Variants in FARP1 observed in about 807,000 individuals in gnomAD.
FARP1 encodes FERM, ARH/RhoGEF and pleckstrin domain protein 1, also known as FERM, ARHGEF and pleckstrin domain-containing protein 1.
In FARP1, 52 loss-of-function variants were observed where a neutral mutation model predicts 128.8. That is an observed-to-expected ratio of 0.40 (90% CI 0.32 to 0.51). FARP1 has a LOEUF of 0.51. Ranked by LOEUF, FARP1 falls within the 20% of genes least tolerant of loss-of-function variation. The pLI, the probability that FARP1 is intolerant of heterozygous loss-of-function variation, is 0.45. For synonymous variants in FARP1, 580 were observed against 551.8 expected (o/e 1.05, Z -0.72); for missense variants, 1,333 against 1,367.9 (o/e 0.97, Z 0.40).
rs924089099 is a variant in FARP1, at chr13:98,393,919, A to G, written c.1164+201A>G. Among the ~76,000 whole-genome samples the G allele has an allele frequency of 3.9e-5, 6 of 151,962 alleles. No individual in the cohort carries two copies. In the South Asian group the frequency reaches 6.2e-4, roughly 16 times the overall value. ...GGCAGCCTGGGCTCAGAGGCCGTGG[A>G]GTGTGTTGTGTTTTCAGCTGCCTTC... On this transcript the variant is annotated intron_variant, in intron 12 of 26. Transcript: ENST00000319562.
chr13:98,188,329 G>A (rs371658176), intron 1 of FARP1, among the ~76,000 whole-genome samples: 2 of 152,194 alleles, frequency 1.3e-5, no homozygotes, highest in South Asian at 2.1e-4. Context: ...CGAGGCGGGC[G>A]GATCACGAGG....
intron 2 of FARP1, among the ~76,000 whole-genome samples, chr13:98,255,679 T>C (rs1594326728): frequency 1.3e-5 from 2 of 152,386 alleles, no homozygotes; most frequent in Middle Eastern, 3.4e-3. Flanking sequence ...GTCTTTTTTA[T>C]AGTTCCCCTA....
chr13:98,164,818 A>G (rs1436370402), intron 1 of FARP1, among the ~76,000 whole-genome samples: 1 of 152,100 alleles, frequency 6.6e-6, no homozygotes, highest in East Asian at 1.9e-4. Context: ...AGTGGCTCAC[A>G]CCTATAAACC....
chr13:98,446,637 A>G (rs1461905793), intron 25 of FARP1, 29 bp from the exon 26 acceptor site: 20 of 1,611,422 alleles, frequency 1.2e-5, no homozygotes, highest in Non-Finnish European at 1.7e-5. Context: ...GACCCCGAAA[A>G]GCCACTTTGC....
chr13:98,249,498 T>C (rs1158291947), intron 2 of FARP1, among the ~76,000 whole-genome samples: 1 of 152,180 alleles, frequency 6.6e-6, no homozygotes, highest in Non-Finnish European at 1.5e-5. Context: ...GAATACATCA[T>C]TAAAAAGAAC....
At chr13:98,310,237 CAG>C (rs756711325) in intron 2 of FARP1, among the ~76,000 whole-genome samples, 36 of 152,156 alleles carry the variant, frequency 2.4e-4, no homozygotes, top group Admixed American at 1.8e-3. Context: ...CCCATCACTC[CAG>C]AGAGGCAGGT....
chr13:98,254,065 C>T (rs1013192014), intron 2 of FARP1, among the ~76,000 whole-genome samples: 42 of 152,138 alleles, frequency 2.8e-4, no homozygotes, highest in Non-Finnish European at 1.2e-4. Context: ...TGAGACCACC[C>T]CAACTCATTT....
intron 2 of FARP1, among the ~76,000 whole-genome samples, chr13:98,250,093 T>A (rs1052864345): frequency 6.6e-6 from 1 of 152,214 alleles, no homozygotes; most frequent in Non-Finnish European, 1.5e-5. Flanking sequence ...ACTCGTGAGA[T>A]TCACCAATGA....
At chr13:98,396,468 AGG>A in intron 13 of FARP1, 1 of 382,410 alleles carries the variant, frequency 2.6e-6, no homozygotes, top group African/African-American at 2.1e-5. Flanking sequence ...AGGATGAGTG[AGG>A]AACAGGAGGA....
chr13:98,306,946 T>G (rs1476658646), intron 2 of FARP1, among the ~76,000 whole-genome samples: 2 of 152,244 alleles, frequency 1.3e-5, no homozygotes, highest in African/African-American at 4.8e-5. Flanking sequence ...ATGTCATTCT[T>G]ATTCTTCATG....
intron 1 of FARP1, among the ~76,000 whole-genome samples, chr13:98,175,024 C>T (rs1029387320): frequency 5.9e-5 from 9 of 152,098 alleles, no homozygotes; most frequent in African/African-American, 1.9e-4. Context: ...AAAGTTTTGC[C>T]GAAGTTCGCT....
rs867000658 is a variant in FARP1, at chr13:98,256,961, A to G, written c.171+43548A>G. The stretch of plus-strand genomic sequence containing the variant: ...AGTATATATGTGGATATATATATAT[A>G]TATATATATATATATATATATATAT... On this transcript the variant is annotated intron_variant, in intron 2 of 26. Transcript: ENST00000319562. Among the ~76,000 whole-genome samples, 980 of 112,274 alleles carry G rather than the reference A, an allele frequency of 8.7e-3. 40 individuals carry two copies. The highest frequency in any genetic ancestry group is 0.046 in the South Asian group (157 of 3,440). The allele number at this position is 112,274 out of a possible 152,430, so 73.7% of individuals were successfully genotyped here. A position where few individuals can be genotyped will look rare whatever the true frequency, so the allele number is the denominator to read the frequency against.
At chr13:98,192,848 G>A (rs1594252777) in intron 1 of FARP1, among the ~76,000 whole-genome samples, 1 of 152,146 alleles carries the variant, frequency 6.6e-6, no homozygotes, top group African/African-American at 2.4e-5. Context: ...AACTTGGTCC[G>A]TCTAATTTTG....
intron 2 of FARP1, among the ~76,000 whole-genome samples, chr13:98,296,616 C>T (rs941444229): frequency 2.0e-5 from 3 of 151,246 alleles, no homozygotes; most frequent in African/African-American, 4.9e-5. Flanking sequence ...GTTTTCCCTT[C>T]TGAAGTTCTG....
In FARP1 at chr13:98,412,049, A is replaced by C. The variant is rs1462411281; in HGVS notation, c.1826+15A>C. 5 of 1,611,128 alleles carry C rather than the reference A, an allele frequency of 3.1e-6. No homozygotes were observed. In the African/African-American group the frequency reaches 6.7e-5, roughly 22 times the overall value. ...CTTGCCCTGTGGTGAGTACATTTCT[A>C]CTTCCCAGCTACGTTCCTCCCTCCG... On this transcript the variant is annotated intron_variant, in intron 16 of 26. Transcript: ENST00000319562.
At chr13:98,308,029 CTCTCTTTTTTTTTTTTTTTTT>C (rs1566858700) in intron 2 of FARP1, among the ~76,000 whole-genome samples, 8 of 114,930 alleles carry the variant, frequency 7.0e-5, no homozygotes, top group South Asian at 2.7e-4. Flanking sequence ...CCCCCACTCT[CTCTCTTTTTTTTTTTTTTTTT>C]TTTTTTTTTT....
chr13:98,296,365 C>A (rs916470922), intron 2 of FARP1, among the ~76,000 whole-genome samples: 4 of 152,160 alleles, frequency 2.6e-5, no homozygotes, highest in African/African-American at 7.2e-5. Context: ...TGCTATTTCC[C>A]CAGTTTCTTC....
At chr13:98,388,808 C>T (rs374021227) in intron 9 of FARP1, among the ~76,000 whole-genome samples, 4 of 152,220 alleles carry the variant, frequency 2.6e-5, no homozygotes, top group African/African-American at 9.6e-5. Context: ...CCCCAGGCTA[C>T]ACCTGGAGAC....
chr13:98,398,282 G>C (rs1231690875), intron 13 of FARP1: 1 of 152,180 alleles, frequency 6.6e-6, no homozygotes, highest in Admixed American at 6.5e-5. Context: ...TGGATCGTTT[G>C]AGAGTTGTTC....
Sources: gnomAD v4.1 joint callset for allele counts (sites outside exome capture counted in the v4.1 genomes callset) on GRCh38, gnomAD v4.1.1 for gene constraint, MANE v1.5 for transcripts, NCBI Gene and HGNC (gene_info 2026-07-23, HGNC 2026-07-21) for gene names.